Variants in PRMT8 observed in about 807,000 individuals in gnomAD.
The protein encoded by PRMT8 is protein arginine methyltransferase 8.
A neutral mutation model predicts 47.1 loss-of-function variants in PRMT8; 7 were observed. The ratio of observed to expected loss-of-function variants is 0.15; its 90% confidence interval spans 0.08 to 0.28. The LOEUF (loss-of-function observed/expected upper bound fraction) is 0.28, where lower values mean the gene tolerates loss of function less well. Among genes scored for constraint, PRMT8 ranks in the 10% least tolerant of loss-of-function variants. The pLI is 1.00. For synonymous variants in PRMT8, 188 were observed against 186.5 expected, an observed-to-expected ratio of 1.01 and a Z score of -0.07; for missense variants, 237 against 505.4, an observed-to-expected ratio of 0.47 and a Z score of 5.09.
chr12:3,561,156 G>A (rs906141048), intron 4 of PRMT8, among the ~76,000 whole-genome samples: 21 of 152,190 alleles, frequency 1.4e-4, no homozygotes, highest in African/African-American at 5.1e-4. Flanking sequence ...GGCAGTGGTT[G>A]GAACATTCTC....
intron 1 of PRMT8, among the ~76,000 whole-genome samples, chr12:3,450,141 G>T (rs985827046): frequency 6.6e-6 from 1 of 152,172 alleles, no homozygotes; most frequent in Non-Finnish European, 1.5e-5. Flanking sequence ...AGCTTTTAAA[G>T]ATAATAATAG....
intron 4 of PRMT8, among the ~76,000 whole-genome samples, chr12:3,563,334 G>A (rs932621884): frequency 2.0e-5 from 3 of 151,898 alleles, no homozygotes; most frequent in African/African-American, 7.3e-5. Context: ...TGAGGACAAA[G>A]CAGACCCTCG....
rs150243713 is a variant in PRMT8 at position 3,540,634 on chromosome 12, A to G, written c.104A>G (p.Gln35Arg). 4.3e-5 allele frequency: 14 copies of G among 324,120 alleles called. No homozygotes were observed. The highest frequency in any genetic ancestry group is 6.3e-5 in the Non-Finnish European group (13 of 206,662). 20.1% of individuals were successfully genotyped at this position (324,120 alleles called of 1,614,324 possible). ...AACAGCCCCCCCTCCCAGCCCCCCC[A>G]GCCCGTCGTCCCTGCTAAGCCCGTG... ...EVNSPPSQPP[Q>R]PVVPAKPVQC... The change falls in exon 2 of 10, where the codon CAG (glutamine) becomes CGG (arginine). Residue 35 changes from glutamine to arginine, a missense_variant. By Grantham distance (43) the Gln-to-Arg change is conservative. Transcript: ENST00000382622.
At chr12:3,497,682 C>A (rs191745258) in intron 1 of PRMT8, among the ~76,000 whole-genome samples, 1 of 152,266 alleles carries the variant, frequency 6.6e-6, no homozygotes, top group East Asian at 1.9e-4. Flanking sequence ...ATATTTCACA[C>A]ATCAAATGTC....
intron 1 of PRMT8, among the ~76,000 whole-genome samples, chr12:3,527,390 G>A (rs546119253): frequency 3.3e-5 from 5 of 152,134 alleles, no homozygotes; most frequent in Admixed American, 2.0e-4. Flanking sequence ...TCATTTCCTC[G>A]GTAGGTGGAA....
At chr12:3,410,721 C>G (rs1436321089) in intron 1 of PRMT8, among the ~76,000 whole-genome samples, 1 of 152,138 alleles carries the variant, frequency 6.6e-6, no homozygotes, top group Non-Finnish European at 1.5e-5. Flanking sequence ...ATTGGCCAGG[C>G]TGGTCTCGAA....
At chr12:3,463,515 C>T (rs1228728397) in intron 1 of PRMT8, 1 of 152,192 alleles carries the variant, frequency 6.6e-6, no homozygotes, top group Non-Finnish European at 1.5e-5. Flanking sequence ...CTTGGCTCTG[C>T]TGAGCTGTGT....
intron 1 of PRMT8, among the ~76,000 whole-genome samples, chr12:3,529,067 G>A (rs1195410307): frequency 6.6e-6 from 1 of 152,206 alleles, no homozygotes; most frequent in Non-Finnish European, 1.5e-5. Context: ...ATCAGTCTCA[G>A]CTGAAGGCTT....
At position 3,506,039 on chromosome 12, in the gene PRMT8, G is replaced by T. The variant is rs147215217; in HGVS notation, c.75+14339G>T. ...AATAACTAAAACATGTAGGCCCACCGACTTCTCAGCCTGTAGCAGTTCTGT... is the reference window on the plus strand; with the variant it reads ...AATAACTAAAACATGTAGGCCCACCTACTTCTCAGCCTGTAGCAGTTCTGT... On this transcript the variant is annotated intron_variant, in intron 1 of 9. Coordinates refer to ENST00000382622, the MANE Select transcript of PRMT8 (RefSeq NM_019854.5). Among the ~76,000 whole-genome samples the T allele has an allele frequency of 3.3e-4, 50 of 152,292 alleles. 1 individual carries two copies. The East Asian group carries it at 8.9e-3, about 27-fold the overall frequency.
At chr12:3,505,067 CGG>C (rs1865597907) in intron 1 of PRMT8, among the ~76,000 whole-genome samples, 1 of 138,556 alleles carries the variant, frequency 7.2e-6, no homozygotes, top group Non-Finnish European at 1.6e-5. Flanking sequence ...GGCTCGCGCA[CGG>C]TGCGCACACA....
chr12:3,459,108 C>A (rs1006723129), intron 1 of PRMT8, among the ~76,000 whole-genome samples: 1 of 152,176 alleles, frequency 6.6e-6, no homozygotes, highest in African/African-American at 2.4e-5. Flanking sequence ...ATTCCTTCAT[C>A]CCCCAAACTC....
rs372722198 is a variant in PRMT8, at chr12:3,521,574, C to CA, written c.76-19024dup. 6.6e-5 allele frequency among the ~76,000 whole-genome samples: 10 copies of CA among 151,158 alleles called. No homozygotes were observed. The East Asian group carries it at 9.7e-4, about 15-fold the overall frequency. ...GGGCAGCAAGAGCGAAACTCCGTCT[C>CA]AAAAAAAACAAAAACAAGAATTACG... On this transcript the variant is annotated intron_variant, in intron 1 of 9. Coordinates refer to ENST00000382622, the MANE Select transcript of PRMT8 (RefSeq NM_019854.5).
chr12:3,495,524 C>T (rs73260096), intron 1 of PRMT8, among the ~76,000 whole-genome samples: 3,403 of 152,324 alleles, frequency 0.022, 134 homozygotes, highest in African/African-American at 0.077. Flanking sequence ...GGGCAGGCTT[C>T]CCAGATCTGC....
At position 3,552,860 on chromosome 12, in the gene PRMT8, C is replaced by T. The variant is rs1409267769; in HGVS notation, c.418-791C>T. ...GTGAGTAGAGCCCAGGGCCTTAGCACAGGCCAGCCTCTGTAAGAGAGCCGG... is the reference window on the plus strand; with the variant it reads ...GTGAGTAGAGCCCAGGGCCTTAGCATAGGCCAGCCTCTGTAAGAGAGCCGG... On this transcript the variant is annotated intron_variant, in intron 3 of 9. Transcript: ENST00000382622. This position sits in a 1 kb window ranked among gnomAD's most constrained non-coding sequence, Gnocchi z 4.5. The T allele has an allele frequency of 2.2e-6, 1 of 447,266 alleles. No homozygotes were observed. The allele number at this position is 447,266 out of a possible 1,614,324, so 27.7% of individuals were successfully genotyped here.
intron 4 of PRMT8, 33 bp downstream of exon 4, chr12:3,553,747 T>C (rs765303044): frequency 3.9e-6 from 6 of 1,531,806 alleles, no homozygotes; most frequent in Non-Finnish European, 2.7e-6. Context: ...TTCTCCTGGA[T>C]GGAGGGGACG....
Position 3,550,374 on chromosome 12 carries a change from A to G in PRMT8, c.417+283A>G. ...TCATGACCTTTCAGTGCTTAGCCCCAAGGTCAGCTTCAGAGGCAGTGCAGG... is the reference window on the plus strand; with the variant it reads ...TCATGACCTTTCAGTGCTTAGCCCCGAGGTCAGCTTCAGAGGCAGTGCAGG... On this transcript the variant is annotated intron_variant, in intron 3 of 9. Coordinates refer to ENST00000382622, the MANE Select transcript of PRMT8 (RefSeq NM_019854.5). This position sits in a 1 kb window ranked among gnomAD's most constrained non-coding sequence, Gnocchi z 5.1. 1 of 358,000 alleles carries G rather than the reference A, an allele frequency of 2.8e-6. No homozygotes were observed. The highest frequency in any genetic ancestry group is 5.2e-6 in the Non-Finnish European group (1 of 191,960). The allele number at this position is 358,000 out of a possible 1,614,324, so 22.2% of individuals were successfully genotyped here. A position where few individuals can be genotyped will look rare whatever the true frequency, so the allele number is the denominator to read the frequency against.
At chr12:3,521,864 T>C (rs992294541) in intron 1 of PRMT8, among the ~76,000 whole-genome samples, 1 of 152,128 alleles carries the variant, frequency 6.6e-6, no homozygotes, top group Admixed American at 6.5e-5. Context: ...GTCAAAATAA[T>C]CTTAAAACAA....
At position 3,455,599 on chromosome 12, in the gene PRMT8, C is replaced by T. The variant is rs562279051; in HGVS notation, c.48+74157C>T. On this transcript the variant is annotated intron_variant, in intron 1 of 9. Coordinates refer to the PRMT8 transcript ENST00000452611. Reference sequence around the variant, plus strand: ...GTAGGTGTGTGCATGGAGGAGGCACCACGCTAGCCTGCTCTCTGGGCTCGG... The same window carrying T: ...GTAGGTGTGTGCATGGAGGAGGCACTACGCTAGCCTGCTCTCTGGGCTCGG... Among the ~76,000 whole-genome samples the T allele has an allele frequency of 2.0e-5, 3 of 152,264 alleles. No individual in the cohort carries two copies. In the East Asian group the frequency reaches 5.8e-4, roughly 29 times the overall value.
At chr12:3,574,339 G>T (rs1272421652) in intron 6 of PRMT8, among the ~76,000 whole-genome samples, 1 of 152,258 alleles carries the variant, frequency 6.6e-6, no homozygotes, top group South Asian at 2.1e-4. Context: ...GGTTGGAATT[G>T]TCTGTATAGA....
Sources: allele counts gnomAD v4.1 joint callset (sites outside exome capture counted in the v4.1 genomes callset), GRCh38; gene constraint gnomAD v4.1.1; non-coding constraint Gnocchi (gnomAD v3.1); transcripts MANE v1.5; gene names NCBI Gene and HGNC (gene_info 2026-07-23, HGNC 2026-07-21).